The following TLN2 variants were observed in gnomAD, a reference collection of about 807,000 sequenced individuals.
TLN2 encodes the protein talin 2.
Under a neutral mutation model 294.7 loss-of-function variants are expected in TLN2, and 118 were observed. The observed-to-expected ratio is 0.40, with a 90% confidence interval of 0.34 to 0.47. The LOEUF is 0.47. Ranked by LOEUF, TLN2 falls within the 20% of genes least tolerant of loss-of-function variation. The pLI is 0.84. For synonymous variants in TLN2, 1,431 were observed against 1,304.5 expected, an observed-to-expected ratio of 1.10 and a Z score of -2.09; for missense variants, 3,083 against 3,282.2, an observed-to-expected ratio of 0.94 and a Z score of 1.48.
chr15:62,506,931 T>G (rs867039784), intron 1 of TLN2, among the ~76,000 whole-genome samples: 17 of 152,248 alleles, frequency 1.1e-4, no homozygotes, highest in Admixed American at 3.9e-4. Flanking sequence ...TATGTGTATC[T>G]GTCATTTCAG....
At chr15:62,828,294 C>G (rs1416389443) in intron 54 of TLN2, 5 of 152,244 alleles carry the variant, frequency 3.3e-5, no homozygotes, top group Non-Finnish European at 7.3e-5. Flanking sequence ...AAGAGTTGGC[C>G]AGACAGCCCA....
In TLN2 at chr15:62,677,809, T is replaced by TTTTTTTTTTTG. The variant is rs918452973; in HGVS notation, c.957+2498_957+2499insGTTTTTTTTTT. On this transcript the variant is annotated intron_variant, in intron 11 of 58. Coordinates refer to ENST00000636159, the MANE Select transcript of TLN2 (RefSeq NM_015059.3). The stretch of plus-strand genomic sequence containing the variant: ...AGAAAGTAGGCAGCACTTGCAACTT[T>TTTTTTTTTTTG]TTTTTTTTTTTTGAGACGGAGATTC... Among the ~76,000 whole-genome samples the TTTTTTTTTTTG allele has an allele frequency of 1.4e-4, 18 of 128,198 alleles. 2 individuals carry two copies. Among genetic ancestry groups the TTTTTTTTTTTG allele is most frequent in the African/African-American group, 5.1e-4 (18 of 35,438 alleles). 84.1% of individuals were successfully genotyped at this position (128,198 alleles called of 152,430 possible). A position where few individuals can be genotyped will look rare whatever the true frequency, so the allele number is the denominator to read the frequency against.
intron 1 of TLN2, among the ~76,000 whole-genome samples, chr15:62,564,305 T>C (rs1052365832): frequency 6.6e-6 from 1 of 152,162 alleles, no homozygotes; most frequent in Non-Finnish European, 1.5e-5. Flanking sequence ...AAAAGTGTTA[T>C]GCTGGCAGGA....
chr15:62,683,437 G>A (rs531690921), intron 11 of TLN2, among the ~76,000 whole-genome samples: 14 of 149,050 alleles, frequency 9.4e-5, no homozygotes, highest in East Asian at 6.0e-4. Flanking sequence ...GCATTCTCCC[G>A]CCTCTCATTG....
intron 9 of TLN2, among the ~76,000 whole-genome samples, chr15:62,673,560 G>C (rs1165929771): frequency 1.9e-4 from 5 of 25,776 alleles, no homozygotes; most frequent in Non-Finnish European, 3.0e-4. Flanking sequence ...ATATACTCTT[G>C]TGCTCTTTTT....
chr15:62,591,231 T>C (rs556987774), intron 2 of TLN2, among the ~76,000 whole-genome samples: 1 of 152,364 alleles, frequency 6.6e-6, no homozygotes, highest in South Asian at 2.1e-4. Flanking sequence ...AAAATGCTGT[T>C]TATTTCCTAT....
Position 62,722,362 on chromosome 15 carries a change from A to C in TLN2, c.3001A>C (p.Lys1001Gln). 6.2e-7 allele frequency: 1 copy of C among 1,609,334 alleles called. No homozygotes were observed. The highest frequency in any genetic ancestry group is 8.5e-7 in the Non-Finnish European group (1 of 1,176,464). Residue 1001 changes from lysine to glutamine, a missense_variant, in exon 26 of 59, where the codon AAG becomes CAG. By Grantham distance (53) the Lys-to-Gln change is moderately conservative. Coordinates refer to ENST00000636159, the MANE Select transcript of TLN2 (RefSeq NM_015059.3). ...SSQNFLQPGS[K>Q]MVSSAKAAVP... ...TTTCATCTCTCTATAGCCTGGAAGC[A>C]AGATGGTGTCCTCTGCCAAAGCCGC...
chr15:62,499,937 GAAAC>G (rs1042594389), intron 1 of TLN2, among the ~76,000 whole-genome samples: 7 of 149,500 alleles, frequency 4.7e-5, no homozygotes, highest in Admixed American at 1.3e-4. Flanking sequence ...AACAAGCAAA[GAAAC>G]AAACAAACAA....
At chr15:62,619,086 A>T (rs553369977) in intron 3 of TLN2, among the ~76,000 whole-genome samples, 46 of 147,140 alleles carry the variant, frequency 3.1e-4, no homozygotes, top group African/African-American at 1.0e-3. Context: ...GAGATGTTTG[A>T]TTTTTTTTTT....
At chr15:62,674,630 T>C (rs1303467048) in intron 10 of TLN2, among the ~76,000 whole-genome samples, 1 of 150,898 alleles carries the variant, frequency 6.6e-6, no homozygotes, top group Non-Finnish European at 1.5e-5. Flanking sequence ...GCCTACCAAG[T>C]AGCTGGGATG....
At chr15:62,503,296 T>A (rs1222192567) in intron 1 of TLN2, among the ~76,000 whole-genome samples, 1 of 152,232 alleles carries the variant, frequency 6.6e-6, no homozygotes, top group African/African-American at 2.4e-5. Flanking sequence ...CAGTCCTGTG[T>A]CACCAGCACT....
intron 9 of TLN2, among the ~76,000 whole-genome samples, chr15:62,658,546 C>T (rs1041517699): frequency 6.6e-6 from 1 of 152,148 alleles, no homozygotes; most frequent in East Asian, 1.9e-4. Flanking sequence ...CTTGGGTTAG[C>T]GAATCCCAGG....
Position 62,820,426 on chromosome 15 carries a change from T to A in TLN2, c.6878-60T>A, listed in dbSNP as rs1361704527. ...TGCAAATCCAGATAGTGTTTTTAAT[T>A]AAGCCAGTGCCCTGAGGTCTGCAGC... On this transcript the variant is annotated intron_variant, in intron 53 of 58. Transcript: ENST00000636159. 11 of 1,574,846 alleles carry A rather than the reference T, an allele frequency of 7.0e-6. No homozygotes were observed. In the Admixed American group the frequency reaches 8.8e-5, roughly 13 times the overall value.
chr15:62,543,440 TG>T (rs1481022570), intron 1 of TLN2, among the ~76,000 whole-genome samples: 1 of 152,038 alleles, frequency 6.6e-6, no homozygotes, highest in African/African-American at 2.4e-5. Flanking sequence ...GAGACAGGAA[TG>T]AAAAATGATG....
At chr15:62,816,175 A>G (rs537955963) in intron 52 of TLN2, among the ~76,000 whole-genome samples, 1 of 152,346 alleles carries the variant, frequency 6.6e-6, no homozygotes, top group East Asian at 1.9e-4. Flanking sequence ...CATAGGATCT[A>G]ATTTCGACAG....
chr15:62,755,637 G>T lies in TLN2; in HGVS notation c.4582G>T (p.Val1528Phe), dbSNP rs751299336. Residue 1528 changes from valine to phenylalanine, a missense_variant, in exon 37 of 59, where the codon GTC (valine) becomes TTC (phenylalanine). Coordinates refer to ENST00000636159, the MANE Select transcript of TLN2 (RefSeq NM_015059.3). ...TANPVAKRHFVQSAKEVANST... is the reference protein window; with the variant it reads ...TANPVAKRHFFQSAKEVANST... ...CAACCCAGTAGCCAAGAGGCACTTC[G>T]TCCAGTCAGCCAAGGAAGTCGCCAA... 1 of 1,614,220 alleles carries T rather than the reference G, an allele frequency of 6.2e-7. No individual in the cohort carries two copies.
chr15:62,708,766 G>A lies in TLN2; in HGVS notation c.2437G>A (p.Glu813Lys), dbSNP rs754795772. 17 of 1,606,260 alleles carry A rather than the reference G, an allele frequency of 1.1e-5. No individual in the cohort carries two copies. The highest frequency in any genetic ancestry group is 5.0e-5 in the Admixed American group (3 of 60,004). Residue 813 changes from glutamate to lysine, a missense_variant, in exon 21 of 59, where the codon GAG becomes AAG. Glu to Lys is a moderately conservative substitution (Grantham distance 56). Coordinates refer to ENST00000636159, the MANE Select transcript of TLN2 (RefSeq NM_015059.3). ...QATDTIMCVTESIFSSMGDAG... is the reference protein window; with the variant it reads ...QATDTIMCVTKSIFSSMGDAG... Reference sequence around the variant, plus strand: ...TACTGACACCATCATGTGTGTCACCGAGAGCATCTTCAGCTCCATGGGTGA... The same window carrying A: ...TACTGACACCATCATGTGTGTCACCAAGAGCATCTTCAGCTCCATGGGTGA...
At chr15:62,641,064 A>C (rs1288535078) in intron 3 of TLN2, among the ~76,000 whole-genome samples, 1 of 152,064 alleles carries the variant, frequency 6.6e-6, no homozygotes, top group Middle Eastern at 3.4e-3. Context: ...AGCCTCCCAA[A>C]GTACTAGGAT....
In TLN2 at chr15:62,740,683, A is replaced by C. The variant is rs771386985; in HGVS notation, c.3939A>C (p.Ala1313=). 1 of 1,614,238 alleles carries C rather than the reference A, an allele frequency of 6.2e-7. No homozygotes were observed. Among genetic ancestry groups the C allele is most frequent in the East Asian group, 2.2e-5 (1 of 44,890 alleles). ...VIGNLKNISM[A]SSKLLLAAKS... is the part of the protein sequence containing the mutation. ...GGAACCTCAAGAATATCTCGATGGC[A>C]TCCAGCAAGCTGCTGTTAGCTGCCA... is the stretch of plus-strand genomic sequence containing the variant. Residue 1313 remains alanine, a synonymous_variant, in exon 32 of 59, where the codon GCA becomes GCC. Coordinates refer to ENST00000636159, the MANE Select transcript of TLN2 (RefSeq NM_015059.3).
Sources: allele counts gnomAD v4.1 joint callset (sites outside exome capture counted in the v4.1 genomes callset), GRCh38; gene constraint gnomAD v4.1.1; transcripts MANE v1.5; gene names NCBI Gene and HGNC (gene_info 2026-07-23, HGNC 2026-07-21).